Variants in PRKD3 observed in about 807,000 individuals in gnomAD.
PRKD3 encodes the protein protein kinase D3, also known as serine/threonine-protein kinase D3.
PRKD3 carries 47 observed loss-of-function variants against 99.2 expected under a neutral mutation model. The observed-to-expected ratio is 0.47, with a 90% CI of 0.38 to 0.60. The LOEUF (loss-of-function observed/expected upper bound fraction) is 0.60. Among genes scored for constraint, PRKD3 ranks in the 20% least tolerant of loss-of-function variants. PRKD3 has a pLI of 0.00. For synonymous variants in PRKD3, 392 were observed against 355.4 expected (o/e 1.10, Z -1.16); for missense variants, 1,019 against 1,088.4 (o/e 0.94, Z 0.90).
intron 14 of PRKD3, among the ~76,000 whole-genome samples, chr2:37,265,015 G>A (rs1477825393): frequency 1.3e-5 from 2 of 152,022 alleles, no homozygotes; most frequent in Non-Finnish European, 2.9e-5. Context: ...AATAATATGC[G>A]CAATCTTCAC....
At chr2:37,303,731 G>A (rs778652561) in intron 2 of PRKD3, among the ~76,000 whole-genome samples, 4 of 152,162 alleles carry the variant, frequency 2.6e-5, no homozygotes, top group African/African-American at 4.8e-5. Context: ...ATGAGCTGCC[G>A]TGCCCAGCCA....
intron 6 of PRKD3, among the ~76,000 whole-genome samples, 168 bp downstream of exon 6, chr2:37,286,009 T>C (rs1322565667): frequency 6.6e-6 from 1 of 152,210 alleles, no homozygotes. Context: ...ATAGTAGTAA[T>C]AGTAGTTTAC....
intron 2 of PRKD3, among the ~76,000 whole-genome samples, chr2:37,302,303 T>C (rs549579220): frequency 6.6e-6 from 1 of 152,346 alleles, no homozygotes; most frequent in African/African-American, 2.4e-5. Context: ...CTCTTGACTG[T>C]GCAAAATGAA....
chr2:37,318,953 TATA>T (rs1240982190), intron 1 of PRKD3, among the ~76,000 whole-genome samples: 8 of 152,128 alleles, frequency 5.3e-5, no homozygotes, highest in Non-Finnish European at 1.2e-4. Context: ...TAGAGAAGAA[TATA>T]ATGATCACTA....
intron 14 of PRKD3, 92 bp from the exon 15 acceptor site, chr2:37,260,476 G>GAAAGAAAGCCTAGAGAAGT: frequency 8.6e-7 from 1 of 1,163,932 alleles, no homozygotes; most frequent in Non-Finnish European, 1.2e-6. Context: ...AAATGGCACA[G>GAAAGAAAGCCTAGAGAAGT]AAAGAAAGCC....
chr2:37,303,552 T>G (rs1333737685), intron 2 of PRKD3, among the ~76,000 whole-genome samples: 1 of 151,992 alleles, frequency 6.6e-6, no homozygotes, highest in Non-Finnish European at 1.5e-5. Context: ...CCCACAGGTA[T>G]GAAGTCTGCT....
intron 2 of PRKD3, among the ~76,000 whole-genome samples, chr2:37,294,168 C>T (rs1366347206): frequency 6.6e-6 from 1 of 152,032 alleles, no homozygotes; most frequent in African/African-American, 2.4e-5. Flanking sequence ...GATCACAGTT[C>T]AACACTGCAG....
intron 15 of PRKD3, 83 bp downstream of exon 15, chr2:37,260,140 G>A: frequency 1.6e-6 from 2 of 1,284,640 alleles, no homozygotes; most frequent in South Asian, 1.5e-5. Flanking sequence ...CTCCAGCCCA[G>A]GTGACAGAGT....
chr2:37,289,935 A>AT (rs1331069928), intron 4 of PRKD3, among the ~76,000 whole-genome samples: 1 of 152,232 alleles, frequency 6.6e-6, no homozygotes, highest in Non-Finnish European at 1.5e-5. Context: ...TGTGACATGA[A>AT]AATTTTATGA....
chr2:37,307,755 C>T (rs900054808), intron 2 of PRKD3, among the ~76,000 whole-genome samples: 1 of 152,174 alleles, frequency 6.6e-6, no homozygotes, highest in South Asian at 2.1e-4. Flanking sequence ...AAACTCCACC[C>T]TACTCCACCC....
Position 37,305,135 on chromosome 2 carries a change from G to GT in PRKD3, c.288+11101dup, listed in dbSNP as rs1216846727. On this transcript the variant is annotated intron_variant, in intron 2 of 18. Transcript: ENST00000234179. ...AAAAACAACATAGAATGACAACTGG[G>GT]TTTTTTTTGACAACAAAAGATACAG... Among the ~76,000 whole-genome samples, 26 of 151,850 alleles carry GT rather than the reference G, an allele frequency of 1.7e-4. No homozygotes were observed. The East Asian group carries it at 2.1e-3, about 12-fold the overall frequency.
Position 37,259,664 on chromosome 2 carries a change from C to A in PRKD3, c.2064G>T (p.Arg688Ser). 1 of 1,611,330 alleles carries A rather than the reference C, an allele frequency of 6.2e-7. No individual in the cohort carries two copies. The highest frequency in any genetic ancestry group is 8.5e-7 in the Non-Finnish European group (1 of 1,177,872). Residue 688 changes from arginine (R) to serine (S), a missense_variant, in exon 16 of 19, where the codon AGG becomes AGT. Arg to Ser is a moderately radical substitution (Grantham distance 110). Transcript: ENST00000234179. ...FMVTQILVAL[R>S]NLHFKNIVHC... ...GCACAATATTCTTAAAATGCAGATT[C>A]CTCAAAGCAACAAGTATCTGTTATG...
rs1667996211 is a variant in PRKD3 at position 37,256,883 on chromosome 2, G to A, written c.2192C>T (p.Ser731Leu). 6.2e-7 allele frequency: 1 copy of A among 1,613,972 alleles called. No homozygotes were observed. The highest frequency in any genetic ancestry group is 1.3e-5 in the African/African-American group (1 of 74,976). Reference sequence around the variant, plus strand: ...AGTTCCTACCACAGATCTCCTGAATGACTTTTCACCAATGATGCGTGCAAA... The same window carrying A: ...AGTTCCTACCACAGATCTCCTGAATAACTTTTCACCAATGATGCGTGCAAA... The part of the protein sequence containing the change: ...FGFARIIGEK[S>L]FRRSVVGTPA... The change falls in exon 17 of 19, where the codon TCA becomes TTA. Residue 731 changes from serine (S) to leucine (L), a missense_variant. Transcript: ENST00000234179.
rs996856522 is a variant in PRKD3, at chr2:37,289,250, T to C, written c.717+106A>G. On this transcript the variant is annotated intron_variant, in intron 5 of 18. Transcript: ENST00000234179. ...TTTATGTTTCTTAAGTGTAGGAACA[T>C]TACCATTCTTTAGCATATAAATTAT... The C allele has an allele frequency of 8.4e-6, 11 of 1,311,592 alleles. 1 individual carries two copies. Among genetic ancestry groups the C allele is most frequent in the Admixed American group, 4.8e-5 (2 of 41,662 alleles). The allele number at this position is 1,311,592 out of a possible 1,614,324, so 81.2% of individuals were successfully genotyped here. A position where few individuals can be genotyped will look rare whatever the true frequency, so the allele number is the denominator to read the frequency against.
chr2:37,270,721 G>A (rs1239662634), intron 12 of PRKD3, among the ~76,000 whole-genome samples: 1 of 152,092 alleles, frequency 6.6e-6, no homozygotes, highest in Non-Finnish European at 1.5e-5. Flanking sequence ...AAATTTTAAG[G>A]TTTGTAAGAA....
At chr2:37,267,776 A>T in intron 13 of PRKD3, 1 of 425,814 alleles carries the variant, frequency 2.3e-6, no homozygotes, top group Non-Finnish European at 4.2e-6. Context: ...ATTTGAATGA[A>T]CTTGTTGCTG....
intron 16 of PRKD3, among the ~76,000 whole-genome samples, chr2:37,257,868 A>G (rs1171544394): frequency 6.6e-6 from 1 of 152,120 alleles, no homozygotes; most frequent in Non-Finnish European, 1.5e-5. Context: ...ACACTTTTCT[A>G]TCACTGTGGA....
intron 14 of PRKD3, among the ~76,000 whole-genome samples, chr2:37,264,803 G>C (rs1668723413): frequency 2.0e-5 from 3 of 152,130 alleles, no homozygotes. Context: ...TTTTTCAAGT[G>C]ATTTTGATTC....
At chr2:37,280,050 T>G (rs540937646) in intron 7 of PRKD3, 121 bp from the exon 8 acceptor site, 2 of 667,510 alleles carry the variant, frequency 3.0e-6, no homozygotes, top group Admixed American at 3.7e-5. Context: ...AGTAAAGTAT[T>G]TCTCTTTTTT....
Sources: gnomAD v4.1 joint callset for allele counts (sites outside exome capture counted in the v4.1 genomes callset) on GRCh38, gnomAD v4.1.1 for gene constraint, MANE v1.5 for transcripts, NCBI Gene and HGNC (gene_info 2026-07-23, HGNC 2026-07-21) for gene names.